NLRP5: variants seen among roughly 807,000 people sequenced by gnomAD.
The protein encoded by NLRP5 is NACHT, LRR and PYD domains-containing protein 5.
NLRP5 carries 93 observed loss-of-function variants against 113.1 expected under a neutral mutation model. The ratio of observed to expected loss-of-function variants is 0.82; its 90% confidence interval spans 0.70 to 0.98. The LOEUF is 0.98. Ranked by LOEUF, NLRP5 falls within the 50% of genes least tolerant of loss-of-function variation. The pLI, the probability that NLRP5 is intolerant of heterozygous loss-of-function variation, is 0.00. For missense variants in NLRP5, 1,808 were observed against 1,514.3 expected, an observed-to-expected ratio of 1.19 and a Z score of -3.22; for synonymous variants, 751 against 600.7, an observed-to-expected ratio of 1.25 and a Z score of -3.66.
At chr19:56,057,529 TA>T (rs1307264083) in intron 13 of NLRP5, among the ~76,000 whole-genome samples, 18 of 152,200 alleles carry the variant, frequency 1.2e-4, no homozygotes, top group Non-Finnish European at 2.6e-4. Context: ...TATCAATGCA[TA>T]TGTCAATATG....
At chr19:56,017,311 G>T (rs1385714070) in intron 4 of NLRP5, among the ~76,000 whole-genome samples, 1 of 151,634 alleles carries the variant, frequency 6.6e-6, no homozygotes, top group Admixed American at 6.6e-5. Context: ...CCCTTTCTCT[G>T]CCTGTTTTGG....
At chr19:55,988,021 A>G in the NLRP5 span, 2 of 816,036 alleles carry the variant, frequency 2.5e-6, no homozygotes, top group South Asian at 3.0e-5. Flanking sequence ...TTCCCCTGAA[A>G]CAGAGCAACC....
chr19:56,023,301 A>C (rs1260743059), intron 6 of NLRP5, among the ~76,000 whole-genome samples: 2 of 152,180 alleles, frequency 1.3e-5, no homozygotes, highest in African/African-American at 2.4e-5. Flanking sequence ...CTCTGAGGAC[A>C]ACAGGTCGGT....
intron 10 of NLRP5, 69 bp from the exon 11 acceptor site, chr19:56,040,853 T>C (rs759072304): frequency 7.5e-7 from 1 of 1,339,328 alleles, no homozygotes; most frequent in African/African-American, 1.4e-5. Flanking sequence ...CCCCTCCTTG[T>C]AAAGGAGGGA....
chr19:55,989,342 G>A, the NLRP5 span, among the ~76,000 whole-genome samples: 7,207 of 152,014 alleles, frequency 0.047, 222 homozygotes, highest in South Asian at 0.11. Flanking sequence ...TGCACCCTCC[G>A]CCTCCCAGGT....
rs536633654 is a variant in NLRP5, at chr19:56,007,974, C to T, written c.443-814C>T. Among the ~76,000 whole-genome samples the T allele has an allele frequency of 6.8e-4, 47 of 69,138 alleles. 3 individuals are homozygous for T. Among genetic ancestry groups the T allele is most frequent in the Admixed American group, 3.9e-3 (23 of 5,900 alleles). The allele number at this position is 69,138 out of a possible 152,430, so 45.4% of individuals were successfully genotyped here. On this transcript the variant is annotated intron_variant, in intron 2 of 14. Coordinates refer to ENST00000390649, the MANE Select transcript of NLRP5 (RefSeq NM_153447.4). ...TGCTCTGTCGCCCAGGCTGGGCTGT[C>T]GCCCAGTGCAGTGGCGCGATCTCGG...
chr19:56,015,601 G>A (rs200245027), intron 3 of NLRP5, 141 bp from the exon 4 acceptor site: 17 of 532,088 alleles, frequency 3.2e-5, no homozygotes, highest in East Asian at 1.6e-4. Flanking sequence ...CTGCCCTGGC[G>A]CTGAGCCAGT....
At chr19:56,025,290 A>T (rs1982794562) in intron 6 of NLRP5, among the ~76,000 whole-genome samples, 1 of 152,134 alleles carries the variant, frequency 6.6e-6, no homozygotes, top group African/African-American at 2.4e-5. Flanking sequence ...TCTTCCACAA[A>T]ACCGGTCCCT....
rs1982936816 is a variant in NLRP5 at position 56,027,925 on chromosome 19, GT to G, written c.1695del (p.His566ThrfsTer2). ...TCGGGGAGTCTGAGCTCCGTGCTCT[GT>G]TTCACATGAACATCCTTCTCCCAGA... On this transcript the variant is annotated frameshift_variant, in exon 7 of 15. Coordinates refer to ENST00000390649, the MANE Select transcript of NLRP5 (RefSeq NM_153447.4). LOFTEE classifies it high-confidence loss of function. The G allele has an allele frequency of 6.2e-7, 1 of 1,613,764 alleles. No individual in the cohort carries two copies. Among genetic ancestry groups the G allele is most frequent in the African/African-American group, 1.3e-5 (1 of 74,926 alleles).
At chr19:56,022,067 T>G (rs1366134314) in intron 6 of NLRP5, among the ~76,000 whole-genome samples, 1 of 152,224 alleles carries the variant, frequency 6.6e-6, no homozygotes, top group Non-Finnish European at 1.5e-5. Flanking sequence ...GAAAAACTAA[T>G]GGTTGCCAGT....
upstream of NLRP5, among the ~76,000 whole-genome samples, chr19:55,997,434 C>G (rs1275196721): frequency 6.6e-6 from 1 of 152,036 alleles, no homozygotes; most frequent in African/African-American, 2.4e-5. Flanking sequence ...GTGTCCTTTT[C>G]TGGTTTTGGT....
the NLRP5 span, among the ~76,000 whole-genome samples, chr19:55,989,288 C>T: frequency 1.1e-3 from 162 of 152,266 alleles, no homozygotes; most frequent in Non-Finnish European, 2.0e-3. Flanking sequence ...CAAAGTCTCC[C>T]TCTTTTGCCC....
At chr19:55,996,905 C>T (rs944188337), upstream of NLRP5, among the ~76,000 whole-genome samples, 9 of 152,156 alleles carry the variant, frequency 5.9e-5, no homozygotes, top group South Asian at 4.1e-4. Context: ...CCTGAGGAAT[C>T]GCCACACTGA....
upstream of NLRP5, among the ~76,000 whole-genome samples, chr19:55,998,706 G>GTATATATA (rs1388437988): frequency 0.081 from 2,463 of 30,426 alleles, 51 homozygotes; most frequent in Non-Finnish European, 0.13. Context: ...ATATATATGT[G>GTATATATA]TGTGTGTGTA....
At chr19:56,056,489 G>A (rs530221485) in intron 13 of NLRP5, among the ~76,000 whole-genome samples, 12 of 152,074 alleles carry the variant, frequency 7.9e-5, no homozygotes, top group African/African-American at 1.7e-4. Flanking sequence ...CCTGGGAGGC[G>A]GAGGTTGCAG....
In NLRP5 at chr19:56,037,185, G is replaced by A. The variant is rs951425690; in HGVS notation, c.2616-840G>A. On this transcript the variant is annotated intron_variant, in intron 9 of 14. Coordinates refer to ENST00000390649, the MANE Select transcript of NLRP5 (RefSeq NM_153447.4). ...GATTTGGGGGTGGATGTGCTGGCTCGTGGGGTAGCTGTGTACGTTCCTCTT... is the reference window on the plus strand; with the variant it reads ...GATTTGGGGGTGGATGTGCTGGCTCATGGGGTAGCTGTGTACGTTCCTCTT... 3.9e-5 allele frequency among the ~76,000 whole-genome samples: 6 copies of A among 152,134 alleles called. No individual in the cohort carries two copies. The South Asian group carries it at 6.2e-4, about 16-fold the overall frequency.
At chr19:56,061,345 GA>G (rs1984345173) in intron 14 of NLRP5, 50 bp from the exon 15 acceptor site, 2 of 1,590,216 alleles carry the variant, frequency 1.3e-6, no homozygotes, top group Non-Finnish European at 1.7e-6. Context: ...GAAGAAGGGA[GA>G]AGAGTCGAAA....
intron 11 of NLRP5, among the ~76,000 whole-genome samples, chr19:56,046,399 C>CGTGTGTGTGTGTGT (rs139653516): frequency 0.22 from 32,475 of 147,886 alleles, 4,089 homozygotes; most frequent in Non-Finnish European, 0.29. Flanking sequence ...TTTGTAGTTT[C>CGTGTGTGTGTGTGT]GTGTGTGTGT....
intron 5 of NLRP5, among the ~76,000 whole-genome samples, chr19:56,019,845 T>TA (rs1982546594): frequency 6.6e-6 from 1 of 150,762 alleles, no homozygotes; most frequent in Non-Finnish European, 1.5e-5. Flanking sequence ...CATGGCATTT[T>TA]TTTTTTTTTG....
Sources: gnomAD v4.1 joint callset for allele counts (sites outside exome capture counted in the v4.1 genomes callset) on GRCh38, gnomAD v4.1.1 for gene constraint, MANE v1.5 for transcripts, NCBI Gene and HGNC (gene_info 2026-07-23, HGNC 2026-07-21) for gene names.